Variants in SYNE1 observed in about 807,000 individuals in gnomAD.
SYNE1 encodes spectrin repeat containing nuclear envelope protein 1.
A neutral mutation model predicts 1,111.0 loss-of-function variants in SYNE1; 616 were observed. That is an observed-to-expected ratio of 0.55 (90% CI 0.52 to 0.59). The LOEUF (loss-of-function observed/expected upper bound fraction) is 0.59. Among genes scored for constraint, SYNE1 ranks in the 20% least tolerant of loss-of-function variants. The pLI is 0.00. For missense variants in SYNE1, 10,006 were observed against 10,417.0 expected (o/e 0.96, Z 1.72); for synonymous variants, 3,855 against 3,825.8 (o/e 1.01, Z -0.28).
chr6:152,415,173 T>G (rs541505223), intron 41 of SYNE1, among the ~76,000 whole-genome samples: 1 of 152,230 alleles, frequency 6.6e-6, no homozygotes, highest in Non-Finnish European at 1.5e-5. Context: ...GAAGGTTCTA[T>G]TAAGAAGAAA....
At chr6:152,521,069 T>C (rs943427570) in intron 5 of SYNE1, among the ~76,000 whole-genome samples, 1 of 152,184 alleles carries the variant, frequency 6.6e-6, no homozygotes, top group African/African-American at 2.4e-5. Context: ...TGCCATTTTA[T>C]AGAGATTCAT....
chr6:152,437,752 G>T (rs948384228), intron 32 of SYNE1, among the ~76,000 whole-genome samples: 1 of 152,088 alleles, frequency 6.6e-6, no homozygotes, highest in African/African-American at 2.4e-5. Flanking sequence ...CTCACAGGAG[G>T]TTTAAATTTT....
intron 3 of SYNE1, among the ~76,000 whole-genome samples, chr6:152,574,776 G>GT (rs370681673): frequency 6.6e-6 from 1 of 152,124 alleles, no homozygotes; most frequent in East Asian, 1.9e-4. Context: ...TCTAACTTCT[G>GT]TTTTTTTCAG....
intron 3 of SYNE1, among the ~76,000 whole-genome samples, chr6:152,559,817 G>A (rs75785398): frequency 0.016 from 2,382 of 152,122 alleles, 26 homozygotes; most frequent in Non-Finnish European, 0.025. Flanking sequence ...TAGAAAACAA[G>A]AGAAAACAAT....
chr6:152,331,576 G>T lies in SYNE1; in HGVS notation c.13109C>A (p.Ala4370Asp), dbSNP rs2096248670. ...AEEQQPNIAE[A>D]LKQSPPPDMA... is the part of the protein sequence containing the mutation. ...ATCTGGAGGAGGGCTCTGCTTAAGG[G>T]CCTCGGCGATGTTGGGTTGTTGCTC... Residue 4370 changes from alanine to aspartate, a missense_variant, in exon 78 of 146, where the codon GCC (alanine) becomes GAC (aspartate). This residue lies in a region of SYNE1 where 4,955 missense variants were observed against 5,017.2 expected (regional missense o/e 0.99). Coordinates refer to ENST00000367255, the MANE Select transcript of SYNE1 (RefSeq NM_182961.4). The T allele has an allele frequency of 1.2e-6, 2 of 1,614,136 alleles. No individual in the cohort carries two copies. Among genetic ancestry groups the T allele is most frequent in the African/African-American group, 1.3e-5 (1 of 75,038 alleles).
intron 6 of SYNE1, among the ~76,000 whole-genome samples, chr6:152,515,371 A>G (rs1436545840): frequency 2.0e-5 from 3 of 152,216 alleles, no homozygotes; most frequent in African/African-American, 4.8e-5. Flanking sequence ...GCTTTCCACT[A>G]GTTGCTTTCT....
chr6:152,295,958 C>T (rs1463583810), intron 93 of SYNE1, among the ~76,000 whole-genome samples: 5 of 152,180 alleles, frequency 3.3e-5, no homozygotes, highest in South Asian at 2.1e-4. Flanking sequence ...CACAATGTGA[C>T]GGATCGTCAC....
At chr6:152,318,042 T>C in intron 86 of SYNE1, 39 bp downstream of exon 86, 1 of 1,613,076 alleles carries the variant, frequency 6.2e-7, no homozygotes, top group South Asian at 1.1e-5. Context: ...TGGAAGTTTC[T>C]GCCTTACACG....
intron 122 of SYNE1, among the ~76,000 whole-genome samples, 189 bp downstream of exon 122, chr6:152,214,717 C>T (rs1339210444): frequency 6.6e-6 from 1 of 152,202 alleles, no homozygotes; most frequent in African/African-American, 2.4e-5. Context: ...CTCTTGAAAG[C>T]AGAGAGCAGC....
chr6:152,480,486 A>T (rs544664441), intron 14 of SYNE1, among the ~76,000 whole-genome samples: 1 of 152,346 alleles, frequency 6.6e-6, no homozygotes, highest in East Asian at 1.9e-4. Flanking sequence ...GCACCATTGC[A>T]TTCCAGTCTG....
At position 152,498,788 on chromosome 6, in the gene SYNE1, A is replaced by C; in HGVS notation, c.893T>G (p.Ile298Arg). Residue 298 changes from isoleucine (I) to arginine (R), a missense_variant, in exon 11 of 146, where the codon ATA (isoleucine) becomes AGA (arginine). Transcript: ENST00000367255. Reference protein sequence around the residue: ...ASTDGQEDDEILPGFPSFANS... With the variant: ...ASTDGQEDDERLPGFPSFANS... ...TGCAAAAGATGGGAAACCTGGAAGT[A>C]TTTCCTAACAATATGAAAAGATAAT... 1 of 1,516,354 alleles carries C rather than the reference A, an allele frequency of 6.6e-7. No homozygotes were observed. Among genetic ancestry groups the C allele is most frequent in the Middle Eastern group, 1.8e-4 (1 of 5,548 alleles). The allele number at this position is 1,516,354 out of a possible 1,614,324, so 93.9% of individuals were successfully genotyped here.
At chr6:152,463,266 T>C in intron 19 of SYNE1, 87 bp downstream of exon 19, 5 of 1,586,872 alleles carry the variant, frequency 3.2e-6, no homozygotes, top group Non-Finnish European at 3.5e-6. Flanking sequence ...AAACCCGTGC[T>C]CTAAAAATAG....
chr6:152,318,750 A>G, intron 85 of SYNE1, 113 bp downstream of exon 85: 1 of 1,262,418 alleles, frequency 7.9e-7, no homozygotes, highest in Non-Finnish European at 1.1e-6. Flanking sequence ...TGCTGTTACT[A>G]TTTGGTTTTA....
intron 92 of SYNE1, 122 bp downstream of exon 92, chr6:152,301,746 TC>T: frequency 1.9e-6 from 2 of 1,058,326 alleles, no homozygotes; most frequent in South Asian, 3.4e-5. Context: ...AGGAATCTGT[TC>T]CTCCCTCTGA....
intron 3 of SYNE1, among the ~76,000 whole-genome samples, chr6:152,589,517 G>C (rs1457324616): frequency 3.3e-5 from 5 of 152,148 alleles, no homozygotes; most frequent in Non-Finnish European, 7.3e-5. Flanking sequence ...GTGCAGGTCA[G>C]AAGTTACAAT....
In SYNE1 at chr6:152,622,456, T is replaced by C. The variant is rs189399838; in HGVS notation, c.67+5809A>G. Among the ~76,000 whole-genome samples the C allele has an allele frequency of 1.6e-3, 242 of 152,214 alleles. 1 individual carries two copies. The highest frequency in any genetic ancestry group is 5.7e-3 in the African/African-American group (235 of 41,544). ...TCCAATGGGCCACAGTGTCTGTTGT[T>C]CCCCTCTATGTGTCCATGTATTCTC... On this transcript the variant is annotated intron_variant, in intron 3 of 145. Transcript: ENST00000367255.
chr6:152,152,072 C>T lies in SYNE1; in HGVS notation c.24199G>A (p.Ala8067Thr), dbSNP rs1245011520. The change falls in exon 134 of 146, where the codon GCC becomes ACC. Residue 8067 changes from alanine to threonine, a missense_variant. By Grantham distance (58) the Ala-to-Thr change is moderately conservative (BLOSUM62 0). Transcript: ENST00000367255. The part of the protein sequence containing the change: ...ELINKQYRRL[A>T]RENRTDSACS... ...GCTGAATCAGTGCGGTTCTCCCTGG[C>T]CAGGCGGCGGTACTGCTTGTTGATC... The T allele has an allele frequency of 6.2e-7, 1 of 1,614,182 alleles. No individual in the cohort carries two copies. The highest frequency in any genetic ancestry group is 8.5e-7 in the Non-Finnish European group (1 of 1,180,032).
At chr6:152,306,440 T>G (rs2095377130) in intron 91 of SYNE1, among the ~76,000 whole-genome samples, 1 of 151,236 alleles carries the variant, frequency 6.6e-6, no homozygotes, top group South Asian at 2.1e-4. Context: ...GGGCCAAGAT[T>G]GCACCACTGC....
chr6:152,581,772 G>A (rs2099520528), intron 3 of SYNE1, among the ~76,000 whole-genome samples: 1 of 152,274 alleles, frequency 6.6e-6, no homozygotes, highest in Non-Finnish European at 1.5e-5. Flanking sequence ...GACTCACTGA[G>A]TCAAAATCAC....
Sources: allele counts gnomAD v4.1 joint callset (sites outside exome capture counted in the v4.1 genomes callset), GRCh38; gene constraint gnomAD v4.1.1; regional missense constraint gnomAD v4.1.1; transcripts MANE v1.5; gene names NCBI Gene and HGNC (gene_info 2026-07-23, HGNC 2026-07-21).